Variants in ITGB8 observed in about 807,000 individuals in gnomAD.
ITGB8 encodes integrin beta-8.
Under a neutral mutation model 89.5 loss-of-function variants are expected in ITGB8, and 30 were observed. That is an observed-to-expected ratio of 0.34 (90% CI 0.25 to 0.45). The LOEUF (loss-of-function observed/expected upper bound fraction) is 0.45. Ranked by LOEUF, ITGB8 falls within the 20% of genes least tolerant of loss-of-function variation. The pLI is 1.00. For missense variants in ITGB8, 836 were observed against 933.3 expected (o/e 0.90, Z 1.36); for synonymous variants, 335 against 320.4 (o/e 1.05, Z -0.49).
intron 1 of ITGB8, among the ~76,000 whole-genome samples, chr7:20,354,603 CG>C (rs1785227320): frequency 6.6e-6 from 1 of 152,076 alleles, no homozygotes; most frequent in South Asian, 2.1e-4. Flanking sequence ...TCCTTTTCTC[CG>C]GTTGTGTTTA....
At chr7:20,390,542 T>C (rs1167144390) in intron 6 of ITGB8, among the ~76,000 whole-genome samples, 1 of 152,074 alleles carries the variant, frequency 6.6e-6, no homozygotes, top group African/African-American at 2.4e-5. Flanking sequence ...GTGCCACAGT[T>C]GGCACAACAT....
At chr7:20,378,677 C>T (rs1034062704) in intron 3 of ITGB8, among the ~76,000 whole-genome samples, 9 of 152,028 alleles carry the variant, frequency 5.9e-5, no homozygotes, top group East Asian at 1.9e-4. Context: ...GTCTTGAGAT[C>T]GAATGCCGCT....
At chr7:20,330,261 G>T (rs1184007220), upstream of ITGB8, among the ~76,000 whole-genome samples, 1 of 152,270 alleles carries the variant, frequency 6.6e-6, no homozygotes, top group South Asian at 2.1e-4. Context: ...GGGCAGCCTT[G>T]TGGTGGGGTA....
chr7:20,359,177 T>C (rs1785407803), intron 1 of ITGB8, among the ~76,000 whole-genome samples: 1 of 152,234 alleles, frequency 6.6e-6, no homozygotes, highest in Non-Finnish European at 1.5e-5. Flanking sequence ...AGTACATTTT[T>C]TTTTTAATAA....
At chr7:20,396,925 A>C (rs1453173420) in intron 8 of ITGB8, among the ~76,000 whole-genome samples, 1 of 152,158 alleles carries the variant, frequency 6.6e-6, no homozygotes, top group Non-Finnish European at 1.5e-5. Flanking sequence ...ATCCAACAAA[A>C]ACTTACTGGG....
chr7:20,368,474 C>G lies in ITGB8; in HGVS notation c.388+1288C>G, dbSNP rs569278556. On this transcript the variant is annotated intron_variant, in intron 3 of 13. Coordinates refer to ENST00000222573, the MANE Select transcript of ITGB8 (RefSeq NM_002214.3). ...TGCCTGTGTTTTCTTTTGCCTTTAT[C>G]TTAGTACTAGAAAGTTTGAACATTT... Among the ~76,000 whole-genome samples the G allele has an allele frequency of 1.2e-4, 19 of 152,230 alleles. No individual in the cohort carries two copies. In the East Asian group the frequency reaches 2.7e-3, roughly 22 times the overall value.
At chr7:20,368,089 C>A (rs939304997) in intron 3 of ITGB8, among the ~76,000 whole-genome samples, 3 of 152,136 alleles carry the variant, frequency 2.0e-5, no homozygotes, top group Admixed American at 1.3e-4. Context: ...TGTGCTATTT[C>A]TTCCAGACTC....
Position 20,403,347 on chromosome 7 carries a change from G to C in ITGB8, c.1687+1221G>C, listed in dbSNP as rs537720391. 4.6e-5 allele frequency among the ~76,000 whole-genome samples: 7 copies of C among 152,262 alleles called. No homozygotes were observed. The South Asian group carries it at 1.4e-3, about 32-fold the overall frequency. On this transcript the variant is annotated intron_variant, in intron 10 of 13. Transcript: ENST00000222573. ...CCACAGCTGTCAATCTCTCAAGAGG[G>C]TTTCAAATACATTTGAGTATTTGTC...
intron 6 of ITGB8, among the ~76,000 whole-genome samples, chr7:20,389,530 T>C (rs10486394): frequency 0.23 from 35,556 of 152,190 alleles, 5,228 homozygotes; most frequent in Non-Finnish European, 0.33. Context: ...CACTTAAATA[T>C]TGATTTTATG....
chr7:20,344,466 A>G (rs578100174), intron 1 of ITGB8, among the ~76,000 whole-genome samples: 1 of 152,360 alleles, frequency 6.6e-6, no homozygotes, highest in Admixed American at 6.5e-5. Context: ...TAGTACATAT[A>G]ATTAGTTGCA....
chr7:20,409,472 G>C, intron 12 of ITGB8, 143 bp from the exon 13 acceptor site: 2 of 583,194 alleles, frequency 3.4e-6, no homozygotes, highest in South Asian at 5.0e-5. Flanking sequence ...TTGAATCAAA[G>C]GTAATTTCAA....
At chr7:20,339,929 G>A (rs1255486520) in intron 1 of ITGB8, among the ~76,000 whole-genome samples, 1 of 152,242 alleles carries the variant, frequency 6.6e-6, no homozygotes. Flanking sequence ...TTGGGAGGCT[G>A]AGGCAGGAGA....
At chr7:20,362,558 T>G (rs566410283) in intron 1 of ITGB8, among the ~76,000 whole-genome samples, 33 of 152,338 alleles carry the variant, frequency 2.2e-4, no homozygotes, top group Admixed American at 4.6e-4. Context: ...TTCCCTGTTC[T>G]TCTAGCACTT....
At chr7:20,370,600 T>TTATTATTA (rs59368586) in intron 3 of ITGB8, among the ~76,000 whole-genome samples, 1,624 of 144,388 alleles carry the variant, frequency 0.011, 21 homozygotes, top group African/African-American at 0.034. Flanking sequence ...TATTTACTTA[T>TTATTATTA]TTATTATTAT....
rs188019078 is a variant in ITGB8 at position 20,400,157 on chromosome 7, T to G, written c.1281+1163T>G. Among the ~76,000 whole-genome samples, 75 of 152,330 alleles carry G rather than the reference T, an allele frequency of 4.9e-4. 1 individual carries two copies. The East Asian group carries it at 7.1e-3, about 14-fold the overall frequency. Reference sequence around the variant, plus strand: ...AAAACGCTTACTGTCTTAGAAATAGTTATTTCCTTCAAAATGTCATTTTGG... The same window carrying G: ...AAAACGCTTACTGTCTTAGAAATAGGTATTTCCTTCAAAATGTCATTTTGG... On this transcript the variant is annotated intron_variant, in intron 9 of 13. Coordinates refer to ENST00000222573, the MANE Select transcript of ITGB8 (RefSeq NM_002214.3).
chr7:20,357,940 T>A (rs1377082236), intron 1 of ITGB8, among the ~76,000 whole-genome samples: 2 of 152,140 alleles, frequency 1.3e-5, no homozygotes, highest in Non-Finnish European at 2.9e-5. Context: ...CAGGTTTTTT[T>A]TGTTATCGTT....
At chr7:20,386,475 G>T (rs1381303534) in intron 6 of ITGB8, among the ~76,000 whole-genome samples, 1 of 147,088 alleles carries the variant, frequency 6.8e-6, no homozygotes, top group Non-Finnish European at 1.5e-5. Flanking sequence ...AGCCAGGCTG[G>T]TCTAAATCTC....
chr7:20,393,525 G>C (rs982720123), intron 7 of ITGB8, among the ~76,000 whole-genome samples: 3 of 152,176 alleles, frequency 2.0e-5, no homozygotes, highest in Non-Finnish European at 4.4e-5. Context: ...GTACTCCCTT[G>C]AGTAAAAGTT....
intron 1 of ITGB8, among the ~76,000 whole-genome samples, chr7:20,348,429 A>G (rs1784999655): frequency 6.6e-6 from 1 of 152,232 alleles, no homozygotes; most frequent in Non-Finnish European, 1.5e-5. Flanking sequence ...TTCTTGAATC[A>G]GTAGCCTGCC....
Sources: gnomAD v4.1 joint callset for allele counts (sites outside exome capture counted in the v4.1 genomes callset) on GRCh38, gnomAD v4.1.1 for gene constraint, MANE v1.5 for transcripts, NCBI Gene and HGNC (gene_info 2026-07-23, HGNC 2026-07-21) for gene names.